FOXO1: variants seen among roughly 807,000 people sequenced by gnomAD.
The protein encoded by FOXO1 is forkhead box protein O1.
Under a neutral mutation model 44.1 loss-of-function variants are expected in FOXO1, and 6 were observed. The ratio of observed to expected loss-of-function variants is 0.14; its 90% CI spans 0.07 to 0.27. FOXO1 has a LOEUF of 0.27. Ranked by LOEUF, FOXO1 falls within the 10% of genes least tolerant of loss-of-function variation. The probability of loss-of-function intolerance (pLI) is 1.00; values close to 1 mark genes in which losing one functional copy is unlikely to be tolerated. For synonymous variants in FOXO1, 380 were observed against 362.7 expected (o/e 1.05, Z -0.54); for missense variants, 737 against 888.8 (o/e 0.83, Z 2.17).
intron 1 of FOXO1, among the ~76,000 whole-genome samples, chr13:40,567,374 A>G (rs1874310829): frequency 6.6e-6 from 1 of 152,104 alleles, no homozygotes; most frequent in Non-Finnish European, 1.5e-5. Flanking sequence ...CTGTCAATAC[A>G]TCTCATTCCA....
At chr13:40,620,380 G>A (rs1359560310) in intron 1 of FOXO1, 9 of 691,746 alleles carry the variant, frequency 1.3e-5, no homozygotes, top group East Asian at 5.7e-5. Context: ...GAGCGGTCAC[G>A]TATTCAAACC....
At chr13:40,585,243 G>A (rs1187689902) in intron 1 of FOXO1, among the ~76,000 whole-genome samples, 1 of 152,136 alleles carries the variant, frequency 6.6e-6, no homozygotes. Flanking sequence ...ACAGAAGCAA[G>A]AGTTAAGAGA....
chr13:40,659,218 G>A (rs1377751616), intron 1 of FOXO1, among the ~76,000 whole-genome samples: 2 of 150,716 alleles, frequency 1.3e-5, no homozygotes, highest in African/African-American at 4.9e-5. Context: ...GGGAGGCTGA[G>A]GCAGGAGAAT....
chr13:40,556,593 T>C lies in FOXO1; in HGVS notation c.*2456A>G, dbSNP rs754954529. ...AGGAAAAAAACTACCAGAGGCCACA[T>C]AATGTTTGCTTTCCAGACAGACCAG... On this transcript the variant is annotated 3_prime_UTR_variant, in exon 3 of 3. Transcript: ENST00000379561. 4 of 152,570 alleles carry C rather than the reference T, an allele frequency of 2.6e-5. No individual in the cohort carries two copies. The highest frequency in any genetic ancestry group is 9.7e-5 in the African/African-American group (4 of 41,426). 9.5% of individuals were successfully genotyped at this position (152,570 alleles called of 1,614,324 possible).
intron 1 of FOXO1, among the ~76,000 whole-genome samples, chr13:40,634,756 T>C (rs1877089132): frequency 6.6e-6 from 1 of 152,162 alleles, no homozygotes; most frequent in Non-Finnish European, 1.5e-5. Flanking sequence ...CTCAGCTTAC[T>C]GCAACCTCCA....
chr13:40,665,195 T>TC (rs1334709256), intron 1 of FOXO1, among the ~76,000 whole-genome samples: 3 of 150,738 alleles, frequency 2.0e-5, no homozygotes, highest in African/African-American at 4.9e-5. Context: ...GAACCCGCCC[T>TC]CCCCCCGCGG....
chr13:40,612,801 A>C (rs955806374), intron 1 of FOXO1, among the ~76,000 whole-genome samples: 6 of 152,158 alleles, frequency 3.9e-5, no homozygotes, highest in Admixed American at 3.3e-4. Flanking sequence ...TACTCTGCCT[A>C]ATGTATAACT....
At chr13:40,586,884 A>G (rs1875187680) in intron 1 of FOXO1, among the ~76,000 whole-genome samples, 1 of 152,246 alleles carries the variant, frequency 6.6e-6, no homozygotes, top group Non-Finnish European at 1.5e-5. Context: ...AGCCAAGGAA[A>G]GGAGACACGT....
intron 1 of FOXO1, among the ~76,000 whole-genome samples, chr13:40,602,953 T>C (rs1875862780): frequency 6.6e-6 from 1 of 152,172 alleles, no homozygotes; most frequent in African/African-American, 2.4e-5. Context: ...GGCAACTTCA[T>C]GTAGGATGAG....
At chr13:40,651,416 T>C (rs535093558) in intron 1 of FOXO1, among the ~76,000 whole-genome samples, 1 of 152,244 alleles carries the variant, frequency 6.6e-6, no homozygotes, top group South Asian at 2.1e-4. Flanking sequence ...AGGGAAAGTA[T>C]CCACTCCAAA....
intron 1 of FOXO1, chr13:40,611,143 G>C (rs749952618): frequency 2.3e-6 from 1 of 427,504 alleles, no homozygotes; most frequent in South Asian, 1.7e-5. Context: ...AGGATAAAAT[G>C]AGTGAGCAAT....
chr13:40,651,397 G>A (rs1436562149), intron 1 of FOXO1, among the ~76,000 whole-genome samples: 8 of 152,086 alleles, frequency 5.3e-5, no homozygotes, highest in Admixed American at 5.2e-4. Flanking sequence ...AGAGCACAGA[G>A]GTCACAGCAG....
Position 40,560,958 on chromosome 13 carries a change from A to C in FOXO1, c.631-98T>G, listed in dbSNP as rs1184923504. 37 of 1,228,210 alleles carry C rather than the reference A, an allele frequency of 3.0e-5. No homozygotes were observed. The highest frequency in any genetic ancestry group is 3.8e-5 in the Non-Finnish European group (34 of 894,260). 76.1% of individuals were successfully genotyped at this position (1,228,210 alleles called of 1,614,324 possible). On this transcript the variant is annotated intron_variant, in intron 1 of 2. Coordinates refer to ENST00000379561, the MANE Select transcript of FOXO1 (RefSeq NM_002015.4). This position sits in a 1 kb window ranked among gnomAD's most constrained non-coding sequence, Gnocchi z 5.1. ...CATGGAAAACAAGTAAAAAATCTTA[A>C]GAGTGTGTGCTACAGATTTCCATCT... is the stretch of plus-strand genomic sequence containing the variant.
At position 40,560,193 on chromosome 13, in the gene FOXO1, G is replaced by A. The variant is rs750262452; in HGVS notation, c.1298C>T (p.Pro433Leu). The part of the protein sequence containing the change: ...KYTYGQSSMS[P>L]LPQMPIQTLQ... ...TGTTTGTATAGGCATCTGGGGCAAA[G>A]GGCTCATGCTGGATTGGCCATATGT... Residue 433 changes from proline to leucine, a missense_variant, in exon 2 of 3, where the codon CCT (proline) becomes CTT (leucine). Physicochemically the swap from Pro to Leu is moderately conservative, Grantham distance 98 (BLOSUM62 -3). Around this residue, in one of 7 missense-constraint regions of FOXO1, gnomAD observed 283 missense variants for 278.1 expected, o/e 1.02. Transcript: ENST00000379561. This position sits in a 1 kb window ranked among gnomAD's most constrained non-coding sequence, Gnocchi z 5.1. The A allele has an allele frequency of 6.2e-7, 1 of 1,614,190 alleles. No homozygotes were observed. Among genetic ancestry groups the A allele is most frequent in the South Asian group, 1.1e-5 (1 of 91,084 alleles).
At chr13:40,646,687 G>A (rs927487304) in intron 1 of FOXO1, among the ~76,000 whole-genome samples, 4 of 152,166 alleles carry the variant, frequency 2.6e-5, no homozygotes, top group South Asian at 2.1e-4. Flanking sequence ...ACCGCCTCCC[G>A]GGTTAATGAG....
intron 1 of FOXO1, among the ~76,000 whole-genome samples, chr13:40,602,299 C>A (rs910455139): frequency 6.6e-6 from 1 of 152,002 alleles, no homozygotes; most frequent in Non-Finnish European, 1.5e-5. Flanking sequence ...TAGTCATTTG[C>A]AAGAAACTAA....
At chr13:40,639,548 A>G (rs565204096) in intron 1 of FOXO1, among the ~76,000 whole-genome samples, 19 of 152,392 alleles carry the variant, frequency 1.2e-4, no homozygotes, top group South Asian at 8.3e-4. Flanking sequence ...AATTTTGTCT[A>G]GAGCAGGGAG....
chr13:40,612,448 A>C (rs948431598), intron 1 of FOXO1, among the ~76,000 whole-genome samples: 4 of 152,252 alleles, frequency 2.6e-5, no homozygotes, highest in African/African-American at 7.2e-5. Flanking sequence ...TTTTAACCTA[A>C]GAAAACAGAA....
At position 40,666,142 on chromosome 13, in the gene FOXO1, G is replaced by C; in HGVS notation, c.71C>G (p.Thr24Ser). The change falls in exon 1 of 3, where the codon ACC becomes AGC. Residue 24 changes from threonine to serine, a missense_variant. Coordinates refer to ENST00000379561, the MANE Select transcript of FOXO1 (RefSeq NM_002015.4). The stretch of plus-strand genomic sequence containing the variant: ...AAACTCCGGCCTGGGCAGCGGCCAG[G>C]TGCACGAGCGCGGCCGGGGCAGCGG... ...FEPLPRPRSCTWPLPRPEFSQ... is the reference protein window; with the variant it reads ...FEPLPRPRSCSWPLPRPEFSQ... 1 of 1,461,508 alleles carries C rather than the reference G, an allele frequency of 6.8e-7. No homozygotes were observed. Among genetic ancestry groups the C allele is most frequent in the Admixed American group, 2.4e-5 (1 of 41,780 alleles). 90.5% of individuals were successfully genotyped at this position (1,461,508 alleles called of 1,614,324 possible). A position where few individuals can be genotyped will look rare whatever the true frequency, so the allele number is the denominator to read the frequency against.
Sources: gnomAD v4.1 joint callset for allele counts (sites outside exome capture counted in the v4.1 genomes callset) on GRCh38, gnomAD v4.1.1 for gene constraint, gnomAD v4.1.1 regional missense constraint, Gnocchi (gnomAD v3.1) non-coding constraint, MANE v1.5 for transcripts, NCBI Gene and HGNC (gene_info 2026-07-23, HGNC 2026-07-21) for gene names.